The following ANKRD11 variants were observed in gnomAD, a reference collection of about 807,000 sequenced individuals.
The protein encoded by ANKRD11 is ankyrin repeat domain-containing protein 11.
ANKRD11 carries 17 observed loss-of-function variants against 195.7 expected under a neutral mutation model. The ratio of observed to expected loss-of-function variants is 0.09; its 90% CI spans 0.06 to 0.13. ANKRD11 has a LOEUF of 0.13. Ranked by LOEUF, ANKRD11 falls within the 10% of genes least tolerant of loss-of-function variation. The pLI is 1.00. For missense variants in ANKRD11, 3,735 were observed against 3,566.1 expected (o/e 1.05, Z -1.21); for synonymous variants, 1,953 against 1,528.1 (o/e 1.28, Z -6.49).
chr16:89,447,765 G>A (rs2043864220), intron 1 of ANKRD11, among the ~76,000 whole-genome samples: 1 of 149,702 alleles, frequency 6.7e-6, no homozygotes, highest in Non-Finnish European at 1.5e-5. Flanking sequence ...ACATGTACCA[G>A]CATTTATCTA....
intron 1 of ANKRD11, among the ~76,000 whole-genome samples, chr16:89,464,620 A>G (rs578227480): frequency 2.9e-4 from 44 of 151,192 alleles, no homozygotes; most frequent in African/African-American, 4.4e-4. Flanking sequence ...AAAAAAAAAA[A>G]AAAGAAAAGA....
chr16:89,307,106 GAC>G (rs1374876690), intron 3 of ANKRD11, among the ~76,000 whole-genome samples: 1 of 152,100 alleles, frequency 6.6e-6, no homozygotes, highest in Non-Finnish European at 1.5e-5. Context: ...GGGACGGTGC[GAC>G]ACACACACTG....
At chr16:89,477,184 G>A (rs1302562587) in intron 1 of ANKRD11, among the ~76,000 whole-genome samples, 1 of 150,064 alleles carries the variant, frequency 6.7e-6, no homozygotes, top group Non-Finnish European at 1.5e-5. Context: ...TCACCTTTAA[G>A]TCATTTCCCC....
intron 1 of ANKRD11, among the ~76,000 whole-genome samples, chr16:89,453,480 T>TAC (rs1222968930): frequency 6.6e-6 from 1 of 152,182 alleles, no homozygotes; most frequent in African/African-American, 2.4e-5. Context: ...CAGACACTAT[T>TAC]ACAAGCCAAA....
chr16:89,314,773 A>C (rs911830013), intron 3 of ANKRD11, among the ~76,000 whole-genome samples: 2 of 152,156 alleles, frequency 1.3e-5, no homozygotes, highest in Non-Finnish European at 2.9e-5. Flanking sequence ...CATCAATGCC[A>C]GGGCCAGGAT....
chr16:89,389,983 C>T (rs1279623764), intron 2 of ANKRD11, among the ~76,000 whole-genome samples: 1 of 70,062 alleles, frequency 1.4e-5, no homozygotes, highest in African/African-American at 6.8e-5. Context: ...CCGAGTGTGG[C>T]GGGGAGCACC....
chr16:89,474,012 G>T (rs771567691), intron 1 of ANKRD11, among the ~76,000 whole-genome samples: 9 of 152,176 alleles, frequency 5.9e-5, no homozygotes, highest in Admixed American at 2.0e-4. Context: ...AGCTGCAAGG[G>T]GCCATGCGCC....
At chr16:89,334,169 A>C (rs12928396) in intron 2 of ANKRD11, among the ~76,000 whole-genome samples, 2,171 of 107,244 alleles carry the variant, frequency 0.02, 146 homozygotes, top group East Asian at 0.078. Context: ...AAAAAAAAAA[A>C]AAAACAGAGA....
At chr16:89,489,309 A>AT (rs1386690683) in intron 1 of ANKRD11, 2 of 152,234 alleles carry the variant, frequency 1.3e-5, no homozygotes, top group African/African-American at 4.8e-5. Context: ...AGGAACGGAA[A>AT]TTAACATTTC....
Position 89,279,132 on chromosome 16 carries a change from G to A in ANKRD11, c.7410C>T (p.Val2470=). The A allele has an allele frequency of 1.2e-6, 2 of 1,613,914 alleles. No homozygotes were observed. The highest frequency in any genetic ancestry group is 2.2e-5 in the East Asian group (1 of 44,880). ...PQAPQCYAEY[V]TYTGSYLLDG... is the part of the protein sequence containing the mutation. ...CCAGGAGGTAGGAGCCCGTGTAGGT[G>A]ACGTACTCGGCGTAGCACTGGGGCG... The change falls in exon 9 of 13, where the codon GTC becomes GTT. Residue 2470 remains valine, a synonymous_variant. Transcript: ENST00000301030. The surrounding 1 kb of genome is among the most constrained non-coding windows in gnomAD (Gnocchi z 5.6).
chr16:89,292,278 G>T (rs765007156), intron 4 of ANKRD11, among the ~76,000 whole-genome samples: 1 of 152,156 alleles, frequency 6.6e-6, no homozygotes, highest in Non-Finnish European at 1.5e-5. Flanking sequence ...CCCTCGGCTG[G>T]TGTTTGATCC....
intron 3 of ANKRD11, among the ~76,000 whole-genome samples, chr16:89,311,246 G>C (rs1192820360): frequency 6.6e-6 from 1 of 152,142 alleles, no homozygotes; most frequent in Non-Finnish European, 1.5e-5. Flanking sequence ...GGTTGGTCAT[G>C]GTACATTATT....
intron 9 of ANKRD11, among the ~76,000 whole-genome samples, chr16:89,275,827 G>A (rs1397368835): frequency 6.6e-6 from 1 of 152,190 alleles, no homozygotes; most frequent in South Asian, 2.1e-4. Flanking sequence ...AGTGAATGAG[G>A]AAGTAAAGAC....
chr16:89,323,003 C>G lies in ANKRD11; in HGVS notation c.-59-5925G>C, dbSNP rs147222212. ...GGAGTACAGGCCCGTGGCACCATGCCCGGCTAATTTCTGTACTTTCTGTGG... is the reference window on the plus strand; with the variant it reads ...GGAGTACAGGCCCGTGGCACCATGCGCGGCTAATTTCTGTACTTTCTGTGG... On this transcript the variant is annotated intron_variant, in intron 2 of 12. Transcript: ENST00000301030. 3.3e-3 allele frequency: 969 copies of G among 297,794 alleles called. 9 individuals carry two copies. Among genetic ancestry groups the G allele is most frequent in the African/African-American group, 0.021 (908 of 44,290 alleles). The allele number at this position is 297,794 out of a possible 1,614,324, so 18.4% of individuals were successfully genotyped here.
At chr16:89,268,713 C>T (rs1766205999) in intron 12 of ANKRD11, 50 bp from the exon 13 acceptor site, 3 of 1,546,096 alleles carry the variant, frequency 1.9e-6, no homozygotes, top group Non-Finnish European at 2.6e-6. Context: ...AAGGGAGAGC[C>T]CCAGACTCTG....
intron 1 of ANKRD11, among the ~76,000 whole-genome samples, chr16:89,422,425 G>T (rs1198912490): frequency 6.6e-6 from 1 of 152,184 alleles, no homozygotes; most frequent in East Asian, 1.9e-4. Context: ...TGAGGGGATG[G>T]ACACAGTAAC....
At position 89,283,509 on chromosome 16, in the gene ANKRD11, C is replaced by T; in HGVS notation, c.3033G>A (p.Lys1011=). 1 of 1,613,884 alleles carries T rather than the reference C, an allele frequency of 6.2e-7. No homozygotes were observed. The part of the protein sequence containing the change: ...ERHHPAREKE[K]KDGPDKERKE... ...TCCTTTCCTTATCGGGGCCATCCTT[C>T]TTCTCCTTCTCTCGTGCTGGGTGGT... Residue 1011 remains lysine, a synonymous_variant, in exon 9 of 13, where the codon AAG becomes AAA. Coordinates refer to ENST00000301030, the MANE Select transcript of ANKRD11 (RefSeq NM_013275.6). This position sits in a 1 kb window ranked among gnomAD's most constrained non-coding sequence, Gnocchi z 4.3.
At chr16:89,326,180 T>C (rs1442303632) in intron 2 of ANKRD11, among the ~76,000 whole-genome samples, 2 of 152,166 alleles carry the variant, frequency 1.3e-5, no homozygotes, top group East Asian at 1.9e-4. Context: ...AAAATAATCA[T>C]GGCCGTAAGG....
At chr16:89,416,591 C>T (rs573549226) in intron 2 of ANKRD11, among the ~76,000 whole-genome samples, 2 of 152,040 alleles carry the variant, frequency 1.3e-5, no homozygotes, top group Admixed American at 6.5e-5. Flanking sequence ...AGCCACTGTG[C>T]CTGGCCACTA....
Sources: allele counts gnomAD v4.1 joint callset (sites outside exome capture counted in the v4.1 genomes callset), GRCh38; gene constraint gnomAD v4.1.1; non-coding constraint Gnocchi (gnomAD v3.1); transcripts MANE v1.5; gene names NCBI Gene and HGNC (gene_info 2026-07-23, HGNC 2026-07-21).